LRMDA: variants seen among roughly 807,000 people sequenced by gnomAD.
The protein encoded by LRMDA is leucine-rich melanocyte differentiation-associated protein.
Under a neutral mutation model 29.8 loss-of-function variants are expected in LRMDA, and 18 were observed. That is an observed-to-expected ratio of 0.60 (90% CI 0.42 to 0.90). LRMDA has a LOEUF of 0.90. Among genes scored for constraint, LRMDA ranks in the 40% least tolerant of loss-of-function variants. The pLI is 0.00. For missense variants in LRMDA, 273 were observed against 273.9 expected (o/e 1.00, Z 0.02); for synonymous variants, 125 against 109.4 (o/e 1.14, Z -0.89).
chr10:76,337,910 T>G (rs1444987366), intron 6 of LRMDA, among the ~76,000 whole-genome samples: 1 of 152,170 alleles, frequency 6.6e-6, no homozygotes, highest in African/African-American at 2.4e-5. Flanking sequence ...CTGCTTACAT[T>G]GACTTGGGTT....
At chr10:75,595,105 T>C (rs1187531327) in intron 2 of LRMDA, among the ~76,000 whole-genome samples, 1 of 152,228 alleles carries the variant, frequency 6.6e-6, no homozygotes, top group Admixed American at 6.5e-5. Context: ...TTTTGTTTGA[T>C]TTTGACTTTT....
chr10:75,930,220 C>T (rs1374406412), intron 2 of LRMDA, among the ~76,000 whole-genome samples: 1 of 152,164 alleles, frequency 6.6e-6, no homozygotes, highest in African/African-American at 2.4e-5. Flanking sequence ...CAACTCTCAC[C>T]AGAACCATCA....
At chr10:76,360,718 A>G (rs770959159) in intron 6 of LRMDA, among the ~76,000 whole-genome samples, 2 of 152,134 alleles carry the variant, frequency 1.3e-5, no homozygotes, top group Non-Finnish European at 2.9e-5. Context: ...TTCTCACAGG[A>G]CATATTTGGT....
intron 2 of LRMDA, among the ~76,000 whole-genome samples, chr10:75,954,397 T>C (rs560116114): frequency 6.6e-6 from 1 of 152,330 alleles, no homozygotes; most frequent in Non-Finnish European, 1.5e-5. Flanking sequence ...AATGCAGTTC[T>C]GGGAAGATAA....
At chr10:76,303,042 T>A (rs1402213381) in intron 5 of LRMDA, among the ~76,000 whole-genome samples, 2 of 152,196 alleles carry the variant, frequency 1.3e-5, no homozygotes, top group African/African-American at 4.8e-5. Flanking sequence ...CAGGGACTGA[T>A]AAGTTGTAGG....
chr10:76,004,603 G>T (rs1010823294), intron 2 of LRMDA, among the ~76,000 whole-genome samples: 4 of 152,116 alleles, frequency 2.6e-5, no homozygotes, highest in Non-Finnish European at 5.9e-5. Flanking sequence ...TTTCAGGTAT[G>T]GTCTCCAATG....
At chr10:76,222,911 A>G (rs1221641093) in intron 5 of LRMDA, among the ~76,000 whole-genome samples, 2 of 152,190 alleles carry the variant, frequency 1.3e-5, no homozygotes, top group African/African-American at 4.8e-5. Flanking sequence ...TGTGGCACAT[A>G]TACACCATGG....
rs571183233 is a variant in LRMDA at position 76,143,634 on chromosome 10, C to T, written c.516+84851C>T. 6.4e-3 allele frequency among the ~76,000 whole-genome samples: 976 copies of T among 152,190 alleles called. 9 individuals carry two copies. Among genetic ancestry groups the T allele is most frequent in the African/African-American group, 0.021 (891 of 41,508 alleles). The stretch of plus-strand genomic sequence containing the variant: ...TAGGTTGCAAAAATTTTCTCCCATT[C>T]TGTAGGTTGCCTGTTCACTCTGATG... On this transcript the variant is annotated intron_variant, in intron 5 of 6. Transcript: ENST00000611255.
chr10:75,486,316 A>G (rs1415701678), intron 2 of LRMDA, among the ~76,000 whole-genome samples: 1 of 152,192 alleles, frequency 6.6e-6, no homozygotes, highest in Non-Finnish European at 1.5e-5. Flanking sequence ...AGCATTCAAA[A>G]TCTATCAGAT....
intron 5 of LRMDA, among the ~76,000 whole-genome samples, chr10:76,136,182 T>A (rs1330209131): frequency 6.6e-6 from 1 of 152,226 alleles, no homozygotes; most frequent in Non-Finnish European, 1.5e-5. Context: ...AATTTACAAT[T>A]TATGAAGTCA....
intron 2 of LRMDA, among the ~76,000 whole-genome samples, chr10:75,973,969 C>A (rs1447648065): frequency 2.0e-5 from 3 of 152,126 alleles, no homozygotes; most frequent in Non-Finnish European, 2.9e-5. Flanking sequence ...CCAAACTTAC[C>A]TATTGGTCTG....
intron 2 of LRMDA, among the ~76,000 whole-genome samples, chr10:75,611,574 C>T (rs1841032568): frequency 6.6e-6 from 1 of 152,170 alleles, no homozygotes; most frequent in African/African-American, 2.4e-5. Context: ...CTTCCTGTCT[C>T]TGTGAGTTTG....
chr10:75,990,491 T>C lies in LRMDA; in HGVS notation c.132-45517T>C, dbSNP rs1847348836. Among the ~76,000 whole-genome samples, 3 of 152,230 alleles carry C rather than the reference T, an allele frequency of 2.0e-5. No individual in the cohort carries two copies. In the South Asian group the frequency reaches 6.2e-4, roughly 32 times the overall value. On this transcript the variant is annotated intron_variant, in intron 2 of 6. Coordinates refer to ENST00000611255, the MANE Select transcript of LRMDA (RefSeq NM_001305581.2). ...TATGAAAAAGTACAGAAATTATTAA[T>C]GGTTTAGTAGCTATTAATGCATTAC...
chr10:76,102,543 T>A (rs189601417), intron 5 of LRMDA, among the ~76,000 whole-genome samples: 297 of 152,316 alleles, frequency 1.9e-3, no homozygotes, highest in African/African-American at 7.0e-3. Context: ...GCTCCATCCA[T>A]GTTGCTGCAA....
chr10:76,475,620 T>C (rs979794401), intron 6 of LRMDA, among the ~76,000 whole-genome samples: 4 of 151,978 alleles, frequency 2.6e-5, no homozygotes, highest in Non-Finnish European at 4.4e-5. Context: ...CACACCACAC[T>C]TATTCCAAAA....
At chr10:76,052,963 C>T (rs1848554254) in intron 4 of LRMDA, among the ~76,000 whole-genome samples, 1 of 152,060 alleles carries the variant, frequency 6.6e-6, no homozygotes, top group South Asian at 2.1e-4. Flanking sequence ...TTAAGCAGTG[C>T]CCTGGCTTAA....
intron 2 of LRMDA, among the ~76,000 whole-genome samples, chr10:75,533,241 G>T (rs1424699884): frequency 1.3e-5 from 2 of 152,174 alleles, no homozygotes; most frequent in Non-Finnish European, 2.9e-5. Flanking sequence ...TTCAGTAAAG[G>T]CTGAGATATT....
chr10:76,205,674 G>T (rs1300087844), intron 5 of LRMDA, among the ~76,000 whole-genome samples: 2 of 152,150 alleles, frequency 1.3e-5, no homozygotes, highest in Non-Finnish European at 2.9e-5. Flanking sequence ...CTTTGTGGGG[G>T]TGCGGGGTGA....
At chr10:76,527,422 G>A (rs1489593023) in intron 6 of LRMDA, among the ~76,000 whole-genome samples, 2 of 152,096 alleles carry the variant, frequency 1.3e-5, no homozygotes, top group East Asian at 1.9e-4. Flanking sequence ...TAACCTCTCT[G>A]CAGATTGAAC....
Sources: gnomAD v4.1 joint callset for allele counts (sites outside exome capture counted in the v4.1 genomes callset) on GRCh38, gnomAD v4.1.1 for gene constraint, MANE v1.5 for transcripts, NCBI Gene and HGNC (gene_info 2026-07-23, HGNC 2026-07-21) for gene names.